Variants in CAB39L observed in about 807,000 individuals in gnomAD.
The protein encoded by CAB39L is calcium-binding protein 39-like.
Under a neutral mutation model 39.1 loss-of-function variants are expected in CAB39L, and 23 were observed. The ratio of observed to expected loss-of-function variants is 0.59; its 90% confidence interval spans 0.42 to 0.83. The LOEUF is 0.83. Among genes scored for constraint, CAB39L ranks in the 40% least tolerant of loss-of-function variants. The pLI is 0.00. For synonymous variants in CAB39L, 126 were observed against 137.2 expected, an observed-to-expected ratio of 0.92 and a Z score of 0.57; for missense variants, 366 against 391.9, an observed-to-expected ratio of 0.93 and a Z score of 0.56.
At chr13:49,366,671 C>A (rs1414573920) in intron 5 of CAB39L, among the ~76,000 whole-genome samples, 1 of 150,904 alleles carries the variant, frequency 6.6e-6, no homozygotes, top group Non-Finnish European at 1.5e-5. Flanking sequence ...CAAACACCCT[C>A]CCTCCAAAAC....
chr13:49,320,585 T>C (rs1240978103), intron 10 of CAB39L, among the ~76,000 whole-genome samples: 1 of 152,190 alleles, frequency 6.6e-6, no homozygotes, highest in African/African-American at 2.4e-5. Context: ...CCAACAGGGA[T>C]TGAGCCAGAC....
intron 1 of CAB39L, among the ~76,000 whole-genome samples, chr13:49,438,706 G>A (rs1173789481): frequency 2.6e-5 from 4 of 152,130 alleles, no homozygotes; most frequent in Admixed American, 1.3e-4. Context: ...ATCAATGCAA[G>A]AAGGGTTTAT....
intron 2 of CAB39L, 70 bp from the exon 3 acceptor site, chr13:49,433,463 G>A (rs953211585): frequency 2.4e-6 from 1 of 418,292 alleles, no homozygotes; most frequent in African/African-American, 2.1e-5. Context: ...TTTTCTTATT[G>A]CTTTCAGGTA....
chr13:49,409,416 T>C (rs1956944027), intron 3 of CAB39L, among the ~76,000 whole-genome samples: 1 of 150,614 alleles, frequency 6.6e-6, no homozygotes, highest in African/African-American at 2.5e-5. Context: ...AAGGACAGCT[T>C]GAAGGGCTTA....
Position 49,350,913 on chromosome 13 carries a change from C to G in CAB39L, c.396-1G>C. 6.4e-7 allele frequency: 1 copy of G among 1,571,928 alleles called. No homozygotes were observed. Among genetic ancestry groups the G allele is most frequent in the Non-Finnish European group, 8.6e-7 (1 of 1,160,778 alleles). On this transcript the variant is annotated splice_acceptor_variant, in intron 6 of 10. Transcript: ENST00000409308. LOFTEE classifies it high-confidence loss of function. ...TAAGGCAATCTGTGGGGCTTCATATCTAAAGCGTAAACAAGAGAGAAATAG... is the reference window on the plus strand; with the variant it reads ...TAAGGCAATCTGTGGGGCTTCATATGTAAAGCGTAAACAAGAGAGAAATAG...
At chr13:49,404,918 G>A (rs1288591444) in intron 3 of CAB39L, among the ~76,000 whole-genome samples, 1 of 152,156 alleles carries the variant, frequency 6.6e-6, no homozygotes, top group East Asian at 1.9e-4. Flanking sequence ...AATGTAGCAT[G>A]CCTACAGGAT....
intron 4 of CAB39L, chr13:49,382,370 A>G (rs1378415169): frequency 6.5e-6 from 1 of 152,730 alleles, no homozygotes. Context: ...GAAATCGAAT[A>G]TATAGGATTC....
At chr13:49,398,036 C>G (rs73487481) in intron 3 of CAB39L, among the ~76,000 whole-genome samples, 13,069 of 152,064 alleles carry the variant, frequency 0.086, 699 homozygotes, top group African/African-American at 0.16. Context: ...CTGTGCCTGT[C>G]TATGACCTGT....
intron 1 of CAB39L, among the ~76,000 whole-genome samples, chr13:49,440,550 T>C (rs1267667702): frequency 1.3e-5 from 2 of 151,922 alleles, no homozygotes; most frequent in Non-Finnish European, 1.5e-5. Flanking sequence ...GCACTGAATG[T>C]GTAGCTTGTT....
intron 3 of CAB39L, among the ~76,000 whole-genome samples, chr13:49,415,382 G>A (rs562905543): frequency 2.0e-5 from 3 of 151,508 alleles, no homozygotes; most frequent in South Asian, 2.1e-4. Flanking sequence ...TTAGCGGGGT[G>A]TGGTGGTACA....
chr13:49,377,062 G>A lies in CAB39L; in HGVS notation c.181C>T (p.Pro61Ser), dbSNP rs554540098. Residue 61 changes from proline to serine, a missense_variant, in exon 5 of 11, where the codon CCC becomes TCC. Transcript: ENST00000409308. ...EILCGTNEKE[P>S]PTEAVAQLAQ... ...AGCTGAGCCACTGCTTCTGTTGGGG[G>A]TTCTTTCTCGTTTGTACCACACAGA... 9 of 1,613,522 alleles carry A rather than the reference G, an allele frequency of 5.6e-6. No homozygotes were observed. The highest frequency in any genetic ancestry group is 1.7e-5 in the Admixed American group (1 of 60,030).
At chr13:49,440,066 CAGA>C (rs954039212) in intron 1 of CAB39L, among the ~76,000 whole-genome samples, 6 of 151,688 alleles carry the variant, frequency 4.0e-5, no homozygotes, top group African/African-American at 1.5e-4. Context: ...TCTTACTGTG[CAGA>C]AGCTCTTTAG....
intron 5 of CAB39L, among the ~76,000 whole-genome samples, chr13:49,362,079 T>C (rs565582452): frequency 6.6e-6 from 1 of 151,906 alleles, no homozygotes; most frequent in Non-Finnish European, 1.5e-5. Flanking sequence ...TAAGGATGTA[T>C]AATATATGTT....
chr13:49,335,331 T>G (rs1488266927), intron 9 of CAB39L, among the ~76,000 whole-genome samples: 1 of 152,174 alleles, frequency 6.6e-6, no homozygotes, highest in East Asian at 1.9e-4. Flanking sequence ...TCACTTCAAT[T>G]TTTATTACCT....
intron 1 of CAB39L, among the ~76,000 whole-genome samples, chr13:49,440,714 CAG>C (rs1491366783): frequency 3.8e-5 from 4 of 106,070 alleles, no homozygotes; most frequent in East Asian, 2.8e-4. Context: ...TATTCCTAGG[CAG>C]TGTGTGTGTG....
chr13:49,371,040 T>C (rs1955901589), intron 5 of CAB39L, among the ~76,000 whole-genome samples: 2 of 152,164 alleles, frequency 1.3e-5, no homozygotes, highest in Admixed American at 1.3e-4. Flanking sequence ...ATAAAATCAA[T>C]GGCTGACACG....
intron 3 of CAB39L, among the ~76,000 whole-genome samples, chr13:49,383,223 G>A (rs1380940881): frequency 6.6e-6 from 1 of 151,948 alleles, no homozygotes; most frequent in Admixed American, 6.6e-5. Context: ...AGTCCAAGTT[G>A]ATATGTAAAA....
intron 5 of CAB39L, among the ~76,000 whole-genome samples, chr13:49,364,013 G>A (rs552459570): frequency 3.6e-4 from 55 of 152,118 alleles, no homozygotes; most frequent in African/African-American, 1.3e-3. Context: ...AACCAAGCAG[G>A]AGTAGCTATA....
intron 5 of CAB39L, among the ~76,000 whole-genome samples, chr13:49,375,807 G>A (rs1172274097): frequency 4.8e-5 from 7 of 145,752 alleles, no homozygotes; most frequent in Non-Finnish European, 7.5e-5. Flanking sequence ...TAAAAAAATT[G>A]AAAAAAAAAA....
Sources: allele counts gnomAD v4.1 joint callset (sites outside exome capture counted in the v4.1 genomes callset), GRCh38; gene constraint gnomAD v4.1.1; transcripts MANE v1.5; gene names NCBI Gene and HGNC (gene_info 2026-07-23, HGNC 2026-07-21).